The following NCKAP5 variants were observed in gnomAD, a reference collection of about 807,000 sequenced individuals.
NCKAP5 encodes the protein nck-associated protein 5.
Under a neutral mutation model 167.0 loss-of-function variants are expected in NCKAP5, and 92 were observed. That is an observed-to-expected ratio of 0.55 (90% CI 0.47 to 0.66). The LOEUF is 0.66. Among genes scored for constraint, NCKAP5 ranks in the 30% least tolerant of loss-of-function variants. The probability of loss-of-function intolerance (pLI) is 0.00; values close to 1 mark genes in which losing one functional copy is unlikely to be tolerated. For synonymous variants in NCKAP5, 891 were observed against 877.4 expected (o/e 1.02, Z -0.27); for missense variants, 2,378 against 2,315.0 (o/e 1.03, Z -0.56).
chr2:132,672,425 T>C lies in NCKAP5; in HGVS notation c.*864A>G, dbSNP rs946212365. On this transcript the variant is annotated 3_prime_UTR_variant, in exon 20 of 20. Coordinates refer to ENST00000409261, the MANE Select transcript of NCKAP5 (RefSeq NM_207363.3). The stretch of plus-strand genomic sequence containing the variant: ...TTTTTCAGCAGAAGCAGAATGACAC[T>C]TATTACTATCACCTGAATCTCTGGC... The C allele has an allele frequency of 6.6e-6, 1 of 152,192 alleles. No individual in the cohort carries two copies. Among genetic ancestry groups the C allele is most frequent in the African/African-American group, 2.4e-5 (1 of 41,460 alleles). 9.4% of individuals were successfully genotyped at this position (152,192 alleles called of 1,614,324 possible). A position where few individuals can be genotyped will look rare whatever the true frequency, so the allele number is the denominator to read the frequency against.
At chr2:132,837,797 GAGAATGTGGGGAGCTGAC>G (rs1293915981) in intron 11 of NCKAP5, among the ~76,000 whole-genome samples, 1 of 152,190 alleles carries the variant, frequency 6.6e-6, no homozygotes, top group Non-Finnish European at 1.5e-5. Context: ...GGACTTCATT[GAGAATGTGGGGAGCTGAC>G]TTCCCACTGG....
At position 132,759,442 on chromosome 2, in the gene NCKAP5, G is replaced by A. The variant is rs1040404814; in HGVS notation, c.5128+14374C>T. Among the ~76,000 whole-genome samples, 10 of 152,038 alleles carry A rather than the reference G, an allele frequency of 6.6e-5. No individual in the cohort carries two copies. The South Asian group carries it at 1.2e-3, about 19-fold the overall frequency. On this transcript the variant is annotated intron_variant, in intron 16 of 19. Transcript: ENST00000409261. ...ACCAGTACACCTTTGTATGTGTACCGATTTATAAATGTGACCAAAATGTCA... is the reference window on the plus strand; with the variant it reads ...ACCAGTACACCTTTGTATGTGTACCAATTTATAAATGTGACCAAAATGTCA...
chr2:133,293,471 C>G (rs148166299), intron 4 of NCKAP5, among the ~76,000 whole-genome samples: 6 of 152,266 alleles, frequency 3.9e-5, no homozygotes, highest in Non-Finnish European at 8.8e-5. Flanking sequence ...CTGGTTCAAT[C>G]AAACCAGATG....
At chr2:133,029,933 T>C (rs2078827369) in intron 6 of NCKAP5, among the ~76,000 whole-genome samples, 1 of 152,126 alleles carries the variant, frequency 6.6e-6, no homozygotes, top group Admixed American at 6.5e-5. Context: ...CTAACTCCTT[T>C]AGAAAAGAAA....
intron 11 of NCKAP5, among the ~76,000 whole-genome samples, chr2:132,818,909 T>C (rs1426686514): frequency 1.3e-5 from 2 of 152,220 alleles, no homozygotes; most frequent in East Asian, 1.9e-4. Flanking sequence ...AAAAATCAAG[T>C]TGAACTTGCC....
At chr2:133,556,111 G>T (rs577909226) in intron 2 of NCKAP5, among the ~76,000 whole-genome samples, 20 of 152,294 alleles carry the variant, frequency 1.3e-4, no homozygotes, top group Admixed American at 7.8e-4. Flanking sequence ...GGTTACCTTA[G>T]AGAATGTGAC....
chr2:133,195,564 C>A (rs2085400487), intron 5 of NCKAP5, among the ~76,000 whole-genome samples: 1 of 151,968 alleles, frequency 6.6e-6, no homozygotes, highest in Non-Finnish European at 1.5e-5. Flanking sequence ...CTTGTCTGGG[C>A]CATTGAAGAA....
intron 1 of NCKAP5, among the ~76,000 whole-genome samples, chr2:133,564,913 G>A (rs988507265): frequency 6.6e-6 from 1 of 152,168 alleles, no homozygotes; most frequent in African/African-American, 2.4e-5. Context: ...TGTCATGCAT[G>A]GTGCTAAGTT....
chr2:133,233,568 A>G (rs1275910792), intron 4 of NCKAP5, among the ~76,000 whole-genome samples: 1 of 152,196 alleles, frequency 6.6e-6, no homozygotes, highest in Admixed American at 6.5e-5. Flanking sequence ...CATATACATT[A>G]TATGTATAAC....
chr2:132,807,325 T>C (rs1002462162), intron 11 of NCKAP5, among the ~76,000 whole-genome samples: 1 of 152,180 alleles, frequency 6.6e-6, no homozygotes, highest in Non-Finnish European at 1.5e-5. Flanking sequence ...GGGGATTGCA[T>C]TGAATTTGTA....
intron 10 of NCKAP5, among the ~76,000 whole-genome samples, chr2:132,863,394 C>A (rs16842720): frequency 0.28 from 41,163 of 148,960 alleles, 6,090 homozygotes; most frequent in East Asian, 0.45. Context: ...GCAATAGTAA[C>A]CACGATTTTT....
At chr2:133,339,013 C>T (rs1357698166) in intron 3 of NCKAP5, among the ~76,000 whole-genome samples, 1 of 152,060 alleles carries the variant, frequency 6.6e-6, no homozygotes, top group Non-Finnish European at 1.5e-5. Flanking sequence ...GAGTGAGACT[C>T]CATCTCAAAA....
intron 4 of NCKAP5, among the ~76,000 whole-genome samples, chr2:133,248,206 C>T (rs1028578209): frequency 1.3e-5 from 2 of 152,232 alleles, no homozygotes; most frequent in African/African-American, 2.4e-5. Flanking sequence ...AATCATAAAG[C>T]TACCTTGACT....
intron 11 of NCKAP5, among the ~76,000 whole-genome samples, chr2:132,827,823 A>G (rs1358255304): frequency 6.6e-6 from 1 of 152,190 alleles, no homozygotes; most frequent in Non-Finnish European, 1.5e-5. Flanking sequence ...TCTAAGATAG[A>G]CAGGTTTAAA....
At chr2:133,144,963 T>A (rs1005308913) in intron 5 of NCKAP5, among the ~76,000 whole-genome samples, 1 of 152,152 alleles carries the variant, frequency 6.6e-6, no homozygotes, top group African/African-American at 2.4e-5. Flanking sequence ...TTTTGAATAC[T>A]GGTCATAATA....
chr2:133,207,674 C>A (rs1175852731), intron 5 of NCKAP5, among the ~76,000 whole-genome samples: 3 of 151,332 alleles, frequency 2.0e-5, no homozygotes, highest in African/African-American at 4.9e-5. Context: ...ACAACAACAA[C>A]AAAAAACAAG....
At chr2:132,889,692 T>A (rs937943007) in intron 8 of NCKAP5, among the ~76,000 whole-genome samples, 1 of 152,084 alleles carries the variant, frequency 6.6e-6, no homozygotes, top group Admixed American at 6.5e-5. Context: ...GCCAAGAAAA[T>A]GACACCTGAC....
At chr2:133,134,110 A>G (rs922594078) in intron 5 of NCKAP5, among the ~76,000 whole-genome samples, 4 of 152,234 alleles carry the variant, frequency 2.6e-5, no homozygotes, top group Non-Finnish European at 5.9e-5. Flanking sequence ...AACTGCATCG[A>G]AACACACAAA....
At chr2:133,120,592 T>C (rs568763340) in intron 6 of NCKAP5, among the ~76,000 whole-genome samples, 4 of 152,328 alleles carry the variant, frequency 2.6e-5, no homozygotes, top group Admixed American at 1.3e-4. Context: ...CTTTAGCTTA[T>C]GGGAAGTAAA....
Sources: gnomAD v4.1 joint callset for allele counts (sites outside exome capture counted in the v4.1 genomes callset) on GRCh38, gnomAD v4.1.1 for gene constraint, MANE v1.5 for transcripts, NCBI Gene and HGNC (gene_info 2026-07-23, HGNC 2026-07-21) for gene names.